The following ANKRD6 variants were observed in gnomAD, a reference collection of about 807,000 sequenced individuals.
The protein encoded by ANKRD6 is ankyrin repeat domain-containing protein 6.
In ANKRD6, 56 loss-of-function variants were observed where a neutral mutation model predicts 82.3. The ratio of observed to expected loss-of-function variants is 0.68; its 90% CI spans 0.55 to 0.85. The LOEUF is 0.85. ANKRD6 is among the 40% of genes least tolerant of loss of function. The pLI, the probability that ANKRD6 is intolerant of heterozygous loss-of-function variation, is 0.00. For missense variants in ANKRD6, 852 were observed against 907.6 expected (o/e 0.94, Z 0.79); for synonymous variants, 347 against 352.1 (o/e 0.99, Z 0.16).
chr6:89,560,405 C>T (rs1787221706), intron 1 of ANKRD6, among the ~76,000 whole-genome samples: 1 of 152,188 alleles, frequency 6.6e-6, no homozygotes, highest in Admixed American at 6.5e-5. Context: ...CAGATCAGGG[C>T]TCCACCTTTA....
At chr6:89,612,483 T>C in intron 6 of ANKRD6, 113 bp downstream of exon 6, 2 of 1,105,582 alleles carry the variant, frequency 1.8e-6, no homozygotes, top group Non-Finnish European at 2.5e-6. Flanking sequence ...TAAAAAGTAT[T>C]TGGGGACTAT....
intron 1 of ANKRD6, among the ~76,000 whole-genome samples, chr6:89,516,978 C>A (rs559334809): frequency 6.6e-6 from 1 of 152,304 alleles, no homozygotes; most frequent in East Asian, 1.9e-4. Flanking sequence ...AAGTGATCTT[C>A]CCCACTTAGC....
At chr6:89,454,698 T>C (rs951084510) in intron 1 of ANKRD6, among the ~76,000 whole-genome samples, 1 of 152,232 alleles carries the variant, frequency 6.6e-6, no homozygotes. Flanking sequence ...ATTGTACATA[T>C]TGGAATCATG....
chr6:89,509,236 C>G (rs577298657), intron 1 of ANKRD6: 4 of 152,254 alleles, frequency 2.6e-5, no homozygotes, highest in African/African-American at 9.6e-5. Context: ...GTGGGGTTCA[C>G]CTTTCTGAAC....
chr6:89,550,870 C>T (rs1043662988), intron 1 of ANKRD6, among the ~76,000 whole-genome samples: 4 of 152,028 alleles, frequency 2.6e-5, no homozygotes, highest in African/African-American at 9.7e-5. Flanking sequence ...GCAGGAGAAT[C>T]GCTTGAACTC....
intron 1 of ANKRD6, among the ~76,000 whole-genome samples, chr6:89,458,967 G>T (rs1036281793): frequency 1.3e-5 from 2 of 152,198 alleles, no homozygotes; most frequent in African/African-American, 4.8e-5. Context: ...ATGCAAAAGG[G>T]GTGACAGACA....
Position 89,605,954 on chromosome 6 carries a change from A to C in ANKRD6, c.319-53A>C, listed in dbSNP as rs142001162. On this transcript the variant is annotated intron_variant, in intron 4 of 15. Transcript: ENST00000339746. ...CCACTGTGATGTATTGATCATAATG[A>C]GAAGAATTAGGTCTTGGGTAATGTG... The C allele has an allele frequency of 1.2e-4, 156 of 1,330,990 alleles. No individual in the cohort carries two copies. In the African/African-American group the frequency reaches 2.0e-3, roughly 17 times the overall value. The allele number at this position is 1,330,990 out of a possible 1,614,324, so 82.4% of individuals were successfully genotyped here.
intron 3 of ANKRD6, among the ~76,000 whole-genome samples, chr6:89,597,099 T>G (rs1796081656): frequency 6.6e-6 from 1 of 152,250 alleles, no homozygotes; most frequent in Admixed American, 6.5e-5. Context: ...AGAAGGACAG[T>G]ACTTGCAAAG....
intron 1 of ANKRD6, among the ~76,000 whole-genome samples, chr6:89,475,297 G>A (rs577694341): frequency 4.6e-5 from 7 of 152,278 alleles, no homozygotes; most frequent in African/African-American, 1.7e-4. Context: ...AGTCATGCAC[G>A]TATGACTCTT....
intron 1 of ANKRD6, among the ~76,000 whole-genome samples, chr6:89,443,880 G>A (rs907228164): frequency 1.2e-4 from 18 of 152,234 alleles, no homozygotes; most frequent in African/African-American, 2.2e-4. Flanking sequence ...TAAGCTTGTC[G>A]TATAAATCAA....
chr6:89,445,297 G>T, intron 1 of ANKRD6, among the ~76,000 whole-genome samples: 2 of 114,596 alleles, frequency 1.7e-5, no homozygotes, highest in Admixed American at 1.2e-4. Flanking sequence ...TTGAGATAGA[G>T]TCTTGCTCTG....
chr6:89,512,492 G>C (rs948596318), intron 1 of ANKRD6, among the ~76,000 whole-genome samples: 2 of 152,240 alleles, frequency 1.3e-5, no homozygotes, highest in African/African-American at 4.8e-5. Context: ...TTAGGGGGCG[G>C]AGTGCAGTCA....
chr6:89,448,161 G>A (rs552178557), intron 1 of ANKRD6, among the ~76,000 whole-genome samples: 13 of 152,248 alleles, frequency 8.5e-5, no homozygotes, highest in African/African-American at 3.1e-4. Context: ...TTGGCCAGGT[G>A]AGGTGGCTCA....
intron 2 of ANKRD6, among the ~76,000 whole-genome samples, chr6:89,573,945 C>A (rs995877327): frequency 6.6e-6 from 1 of 152,154 alleles, no homozygotes; most frequent in African/African-American, 2.4e-5. Flanking sequence ...TTGCTCTCCT[C>A]CCAATTGATG....
chr6:89,438,870 T>C (rs1015557750), intron 1 of ANKRD6, among the ~76,000 whole-genome samples: 1 of 152,176 alleles, frequency 6.6e-6, no homozygotes, highest in Non-Finnish European at 1.5e-5. Flanking sequence ...TTCGAACTCC[T>C]GACCTCAGGT....
At chr6:89,434,553 A>C (rs1244043702) in intron 1 of ANKRD6, among the ~76,000 whole-genome samples, 1 of 152,036 alleles carries the variant, frequency 6.6e-6, no homozygotes. Flanking sequence ...TGACCTCCTT[A>C]GCTCAACCGA....
intron 1 of ANKRD6, among the ~76,000 whole-genome samples, chr6:89,489,771 A>G (rs1363624877): frequency 6.6e-6 from 1 of 152,234 alleles, no homozygotes; most frequent in African/African-American, 2.4e-5. Context: ...GCCGCAGGGC[A>G]GGCTTGGCCT....
At chr6:89,523,759 C>T (rs1782145474) in intron 1 of ANKRD6, among the ~76,000 whole-genome samples, 1 of 152,138 alleles carries the variant, frequency 6.6e-6, no homozygotes, top group African/African-American at 2.4e-5. Flanking sequence ...TTCACAGTCC[C>T]TTAGGACACT....
At position 89,612,471 on chromosome 6, in the gene ANKRD6, T is replaced by C. The variant is rs546341093; in HGVS notation, c.516+101T>C. ...GAACCTTAACATCTAGAAATTAAAA[T>C]GTAAAAAGTATTTGGGGACTATCTC... On this transcript the variant is annotated intron_variant, in intron 6 of 15. Transcript: ENST00000339746. 8.9e-6 allele frequency: 11 copies of C among 1,230,800 alleles called. No homozygotes were observed. In the East Asian group the frequency reaches 1.6e-4, roughly 18 times the overall value. 76.2% of individuals were successfully genotyped at this position (1,230,800 alleles called of 1,614,324 possible). A position where few individuals can be genotyped will look rare whatever the true frequency, so the allele number is the denominator to read the frequency against.
Sources: allele counts gnomAD v4.1 joint callset (sites outside exome capture counted in the v4.1 genomes callset), GRCh38; gene constraint gnomAD v4.1.1; transcripts MANE v1.5; gene names NCBI Gene and HGNC (gene_info 2026-07-23, HGNC 2026-07-21).